The following MBD5 variants were observed in gnomAD, a reference collection of about 807,000 sequenced individuals.
MBD5 encodes methyl-CpG binding domain protein 5, also known as methyl-CpG-binding domain protein 5.
MBD5 carries 13 observed loss-of-function variants against 117.3 expected under a neutral mutation model. The observed-to-expected ratio is 0.11, with a 90% CI of 0.07 to 0.18. MBD5 has a LOEUF of 0.18. Among genes scored for constraint, MBD5 ranks in the 10% least tolerant of loss-of-function variants. The probability of loss-of-function intolerance (pLI) is 1.00; values close to 1 mark genes in which losing one functional copy is unlikely to be tolerated. For synonymous variants in MBD5, 727 were observed against 766.4 expected (o/e 0.95, Z 0.85); for missense variants, 1,879 against 2,093.8 (o/e 0.90, Z 2.00).
intron 3 of MBD5, among the ~76,000 whole-genome samples, chr2:148,293,712 A>G (rs1211691178): frequency 6.6e-6 from 1 of 152,208 alleles, no homozygotes; most frequent in African/African-American, 2.4e-5. Context: ...TCTGGGGGGA[A>G]AACATGCATT....
chr2:148,345,825 T>C (rs532897902), intron 4 of MBD5, among the ~76,000 whole-genome samples: 5 of 151,842 alleles, frequency 3.3e-5, no homozygotes, highest in East Asian at 1.9e-4. Flanking sequence ...ACTGAAGAAC[T>C]TGGAGTCCAA....
At chr2:148,293,527 A>G (rs1041977456) in intron 3 of MBD5, among the ~76,000 whole-genome samples, 4 of 152,140 alleles carry the variant, frequency 2.6e-5, no homozygotes, top group Non-Finnish European at 4.4e-5. Flanking sequence ...CTATGTACCT[A>G]CAATAATTTT....
chr2:148,346,893 A>T (rs1009181779), intron 4 of MBD5: 1 of 152,058 alleles, frequency 6.6e-6, no homozygotes, highest in East Asian at 1.9e-4. Flanking sequence ...TTAAAAAAAA[A>T]CTATTATAGA....
At chr2:148,227,723 A>G (rs1308534578) in intron 2 of MBD5, among the ~76,000 whole-genome samples, 2 of 152,150 alleles carry the variant, frequency 1.3e-5, no homozygotes, top group African/African-American at 4.8e-5. Context: ...CATTTTCACC[A>G]TATTGATTCT....
intron 1 of MBD5, among the ~76,000 whole-genome samples, chr2:148,153,036 G>A (rs964749716): frequency 1.3e-5 from 2 of 151,856 alleles, no homozygotes; most frequent in African/African-American, 2.4e-5. Flanking sequence ...TCCTAGTCTC[G>A]ATGGTCTTTA....
chr2:148,401,583 A>T (rs182388425), intron 4 of MBD5, among the ~76,000 whole-genome samples: 2 of 150,272 alleles, frequency 1.3e-5, no homozygotes, highest in Admixed American at 6.6e-5. Flanking sequence ...TCTGGTTTTT[A>T]AAAAAATTAT....
chr2:148,426,801 G>A (rs182107121), intron 4 of MBD5, among the ~76,000 whole-genome samples: 612 of 152,286 alleles, frequency 4.0e-3, no homozygotes, highest in Non-Finnish European at 7.2e-3. Context: ...ATTGACAAAT[G>A]GGATCTAATT....
rs79809620 is a variant in MBD5, at chr2:148,349,322, A to G, written c.-557+6986A>G. On this transcript the variant is annotated intron_variant, in intron 4 of 13. Transcript: ENST00000642680. Reference sequence around the variant, plus strand: ...TAATGATGGAGTTATGAATTAATATATGAGTCAGAATAGTGTTGGTATACA... The same window carrying G: ...TAATGATGGAGTTATGAATTAATATGTGAGTCAGAATAGTGTTGGTATACA... Among the ~76,000 whole-genome samples the G allele has an allele frequency of 2.5e-3, 382 of 152,108 alleles. 4 individuals are homozygous for G. The highest frequency in any genetic ancestry group is 8.5e-3 in the African/African-American group (355 of 41,548).
At chr2:148,328,716 C>A (rs1324604443) in intron 3 of MBD5, among the ~76,000 whole-genome samples, 47 of 152,202 alleles carry the variant, frequency 3.1e-4, no homozygotes, top group Admixed American at 4.6e-4. Flanking sequence ...ATGGTGCGTG[C>A]ACCCACTGAC....
At chr2:148,354,742 G>A (rs1703333747) in intron 4 of MBD5, among the ~76,000 whole-genome samples, 2 of 152,190 alleles carry the variant, frequency 1.3e-5, no homozygotes, top group Admixed American at 6.5e-5. Context: ...ACATGTAAAA[G>A]CATTCCTATT....
chr2:148,111,875 T>C (rs1246797747), intron 1 of MBD5, among the ~76,000 whole-genome samples: 2 of 152,150 alleles, frequency 1.3e-5, no homozygotes, highest in East Asian at 3.9e-4. Context: ...GTTTAATTTA[T>C]AAATTAGAGA....
intron 2 of MBD5, among the ~76,000 whole-genome samples, chr2:148,231,076 C>G (rs967822975): frequency 3.9e-5 from 6 of 152,154 alleles, no homozygotes; most frequent in African/African-American, 1.2e-4. Flanking sequence ...CACATACCCC[C>G]CTCCTCCAGT....
At chr2:148,288,502 A>G (rs1026977027) in intron 3 of MBD5, among the ~76,000 whole-genome samples, 1 of 151,652 alleles carries the variant, frequency 6.6e-6, no homozygotes, top group African/African-American at 2.4e-5. Context: ...TTTATTTAGC[A>G]TGAATCATAT....
intron 1 of MBD5, among the ~76,000 whole-genome samples, chr2:148,173,507 A>G (rs959966671): frequency 2.6e-5 from 4 of 152,194 alleles, no homozygotes; most frequent in African/African-American, 9.6e-5. Flanking sequence ...AGCTGAACTC[A>G]GTCTGCGTGC....
At chr2:148,372,480 A>G (rs1446728229) in intron 4 of MBD5, among the ~76,000 whole-genome samples, 1 of 152,080 alleles carries the variant, frequency 6.6e-6, no homozygotes, top group Non-Finnish European at 1.5e-5. Flanking sequence ...ATGCTTTACT[A>G]CTAGAAACAC....
intron 11 of MBD5, among the ~76,000 whole-genome samples, chr2:148,493,841 G>A (rs1681605697): frequency 2.0e-5 from 3 of 152,190 alleles, no homozygotes; most frequent in Admixed American, 2.0e-4. Context: ...ACAGTCTGCA[G>A]AGAACTAGAA....
At chr2:148,061,504 AAT>A (rs1475608497) in intron 1 of MBD5, among the ~76,000 whole-genome samples, 3 of 152,044 alleles carry the variant, frequency 2.0e-5, no homozygotes. Flanking sequence ...CCATATCATA[AAT>A]ATGTTTTCAT....
At chr2:148,239,594 C>A (rs532198446) in intron 3 of MBD5, among the ~76,000 whole-genome samples, 2 of 150,822 alleles carry the variant, frequency 1.3e-5, no homozygotes, top group African/African-American at 4.9e-5. Flanking sequence ...TTATGAGTAA[C>A]GTTTATTGAT....
chr2:148,145,978 C>T (rs7568811), intron 1 of MBD5, among the ~76,000 whole-genome samples: 46,849 of 151,982 alleles, frequency 0.31, 8,366 homozygotes, highest in East Asian at 0.46. Context: ...TGAGTTAGGG[C>T]GGATTCTCTC....
Sources: gnomAD v4.1 joint callset for allele counts (sites outside exome capture counted in the v4.1 genomes callset) on GRCh38, gnomAD v4.1.1 for gene constraint, MANE v1.5 for transcripts, NCBI Gene and HGNC (gene_info 2026-07-23, HGNC 2026-07-21) for gene names.